The following MYL10 variants were observed in gnomAD, a reference collection of about 807,000 sequenced individuals.
MYL10 encodes myosin light chain 10.
In MYL10, 18 loss-of-function variants were observed where a neutral mutation model predicts 21.9. That is an observed-to-expected ratio of 0.82 (90% CI 0.57 to 1.22). The LOEUF (loss-of-function observed/expected upper bound fraction) is 1.22. Among genes scored for constraint, MYL10 ranks in the 50% most tolerant of loss-of-function variants. The probability of loss-of-function intolerance (pLI) is 0.00; values close to 1 mark genes in which losing one functional copy is unlikely to be tolerated. For missense variants in MYL10, 225 were observed against 230.4 expected (o/e 0.98, Z 0.15); for synonymous variants, 88 against 82.8 (o/e 1.06, Z -0.34).
intron 1 of MYL10, among the ~76,000 whole-genome samples, chr7:101,627,041 C>G (rs1469522050): frequency 6.6e-6 from 1 of 151,948 alleles, no homozygotes; most frequent in Non-Finnish European, 1.5e-5. Context: ...CCTGTAATCC[C>G]AGCACTCTGG....
At chr7:101,621,132 T>C (rs1420557661) in intron 5 of MYL10, among the ~76,000 whole-genome samples, 1 of 151,844 alleles carries the variant, frequency 6.6e-6, no homozygotes, top group African/African-American at 2.4e-5. Context: ...CTCCAGGATG[T>C]CACTATGGGA....
At chr7:101,628,078 GTGT>G (rs1796767855) in intron 1 of MYL10, among the ~76,000 whole-genome samples, 1 of 152,206 alleles carries the variant, frequency 6.6e-6, no homozygotes, top group African/African-American at 2.4e-5. Context: ...TATTATCAGG[GTGT>G]CCATTAAGCA....
chr7:101,623,717 A>AC (rs1254215836), intron 3 of MYL10, among the ~76,000 whole-genome samples: 4 of 138,892 alleles, frequency 2.9e-5, no homozygotes, highest in Admixed American at 1.5e-4. Flanking sequence ...AAAAAAAAAA[A>AC]CCTAATCATT....
At chr7:101,619,035 G>C (rs56987789) in intron 5 of MYL10, among the ~76,000 whole-genome samples, 4,482 of 152,208 alleles carry the variant, frequency 0.029, 220 homozygotes, top group African/African-American at 0.1. Flanking sequence ...CCAGGGGCGG[G>C]AGGTGCTCAC....
At chr7:101,622,551 G>A (rs1262613865) in intron 4 of MYL10, among the ~76,000 whole-genome samples, 1 of 152,050 alleles carries the variant, frequency 6.6e-6, no homozygotes, top group Non-Finnish European at 1.5e-5. Flanking sequence ...TGGTTCCAGG[G>A]GACACTCAGA....
At chr7:101,625,625 C>T (rs949134120) in intron 1 of MYL10, among the ~76,000 whole-genome samples, 2 of 152,080 alleles carry the variant, frequency 1.3e-5, no homozygotes, top group African/African-American at 2.4e-5. Context: ...GCAGAAGCGC[C>T]GGCTGACTTA....
At chr7:101,613,797 G>C in intron 6 of MYL10, 87 bp from the exon 7 acceptor site, 1 of 1,263,690 alleles carries the variant, frequency 7.9e-7, no homozygotes, top group Admixed American at 1.7e-5. Flanking sequence ...GGGGCAAGTG[G>C]GGGCAGGGGG....
intron 6 of MYL10, among the ~76,000 whole-genome samples, chr7:101,615,218 G>A (rs557727074): frequency 5.9e-5 from 9 of 152,138 alleles, no homozygotes; most frequent in Admixed American, 3.3e-4. Context: ...TGCTGGCTAC[G>A]ATCTGGCTCA....
chr7:101,621,250 G>A (rs1203941784), intron 5 of MYL10, among the ~76,000 whole-genome samples: 2 of 152,162 alleles, frequency 1.3e-5, no homozygotes, highest in East Asian at 3.9e-4. Context: ...CCAGGGTTTG[G>A]GGTTGAGGTT....
At chr7:101,622,049 C>T in intron 5 of MYL10, 47 bp downstream of exon 5, 1 of 1,450,956 alleles carries the variant, frequency 6.9e-7, no homozygotes, top group South Asian at 1.2e-5. Flanking sequence ...CATCCGTCCC[C>T]CTGCCATTCC....
At chr7:101,622,325 C>G (rs574109106) in intron 4 of MYL10, 125 bp from the exon 5 acceptor site, 3 of 657,422 alleles carry the variant, frequency 4.6e-6, no homozygotes, top group Non-Finnish European at 7.5e-6. Context: ...AAGGCCCTGA[C>G]GCCTTTTTGG....
In MYL10 at chr7:101,613,395, A is replaced by G; in HGVS notation, c.*80T>C. 8.3e-7 allele frequency: 1 copy of G among 1,207,256 alleles called. No individual in the cohort carries two copies. Among genetic ancestry groups the G allele is most frequent in the Non-Finnish European group, 1.2e-6 (1 of 821,428 alleles). The allele number at this position is 1,207,256 out of a possible 1,614,324, so 74.8% of individuals were successfully genotyped here. Reference sequence around the variant, plus strand: ...AGGACAAGGGAAGCCTTTTTCCTGCAGCCTCTGGCTGCAAGAGCTCCCTGT... The same window carrying G: ...AGGACAAGGGAAGCCTTTTTCCTGCGGCCTCTGGCTGCAAGAGCTCCCTGT... On this transcript the variant is annotated 3_prime_UTR_variant, in exon 8 of 8. Coordinates refer to ENST00000223167, the MANE Select transcript of MYL10 (RefSeq NM_138403.5).
intron 1 of MYL10, among the ~76,000 whole-genome samples, chr7:101,627,137 C>CAAA (rs757508495): frequency 2.2e-5 from 3 of 134,006 alleles, no homozygotes; most frequent in African/African-American, 8.2e-5. Context: ...ACCAAAAATA[C>CAAA]AAAAAAAAAA....
intron 5 of MYL10, among the ~76,000 whole-genome samples, chr7:101,618,469 C>A (rs926257961): frequency 2.0e-5 from 3 of 152,180 alleles, no homozygotes; most frequent in African/African-American, 7.2e-5. Context: ...CCAGCCTATC[C>A]CCCTGCGGAC....
intron 1 of MYL10, among the ~76,000 whole-genome samples, chr7:101,625,497 G>C (rs2130744213): frequency 1.3e-5 from 2 of 150,352 alleles, no homozygotes; most frequent in East Asian, 2.0e-4. Flanking sequence ...GCCCCCACCA[G>C]AGCAGAGGAG....
Position 101,613,723 on chromosome 7 carries a change from G to C in MYL10, c.534-13C>G. On this transcript the variant is annotated splice_polypyrimidine_tract_variant and intron_variant, in intron 6 of 7. Transcript: ENST00000223167. ...TTTTTCTTTGATGCTGTTCAAGGGA[G>C]AGACACAGTCATGTTCAGGGAACGG... 6.2e-7 allele frequency: 1 copy of C among 1,613,908 alleles called. No homozygotes were observed. Among genetic ancestry groups the C allele is most frequent in the Non-Finnish European group, 8.5e-7 (1 of 1,179,880 alleles).
intron 5 of MYL10, among the ~76,000 whole-genome samples, chr7:101,621,786 A>AT (rs1411416067): frequency 6.6e-6 from 1 of 152,004 alleles, no homozygotes; most frequent in African/African-American, 2.4e-5. Flanking sequence ...AAGTTTCATT[A>AT]TATCACCCAG....
At chr7:101,617,599 C>CA (rs1302639972) in intron 5 of MYL10, among the ~76,000 whole-genome samples, 8 of 152,072 alleles carry the variant, frequency 5.3e-5, no homozygotes, top group African/African-American at 1.9e-4. Context: ...TTTGTTCCTC[C>CA]ACCATCATAC....
intron 6 of MYL10, among the ~76,000 whole-genome samples, chr7:101,615,595 TC>T (rs34049907): frequency 2.9e-5 from 4 of 138,716 alleles, no homozygotes; most frequent in Admixed American, 1.5e-4. Context: ...AGAATGCTGT[TC>T]CCCCCCTAGC....
Sources: allele counts gnomAD v4.1 joint callset (sites outside exome capture counted in the v4.1 genomes callset), GRCh38; gene constraint gnomAD v4.1.1; transcripts MANE v1.5; gene names NCBI Gene and HGNC (gene_info 2026-07-23, HGNC 2026-07-21).